CDH13: variants seen among roughly 807,000 people sequenced by gnomAD.
CDH13 encodes cadherin 13.
In CDH13, 24 loss-of-function variants were observed where a neutral mutation model predicts 63.8. That is an observed-to-expected ratio of 0.38 (90% CI 0.27 to 0.53). The LOEUF (loss-of-function observed/expected upper bound fraction) is 0.53, where lower values mean the gene tolerates loss of function less well. Ranked by LOEUF, CDH13 falls within the 20% of genes least tolerant of loss-of-function variation. CDH13 has a pLI of 0.85. For synonymous variants in CDH13, 503 were observed against 355.3 expected (o/e 1.42, Z -4.67); for missense variants, 1,049 against 903.1 (o/e 1.16, Z -2.07).
intron 1 of CDH13, among the ~76,000 whole-genome samples, chr16:82,684,621 A>G (rs1914878730): frequency 6.6e-6 from 1 of 151,942 alleles, no homozygotes; most frequent in South Asian, 2.1e-4. Context: ...ATTTCTGAAA[A>G]CTATTGATAC....
At chr16:83,513,788 A>G (rs913243877) in intron 7 of CDH13, among the ~76,000 whole-genome samples, 4 of 152,188 alleles carry the variant, frequency 2.6e-5, no homozygotes, top group African/African-American at 9.7e-5. Context: ...TTGGGTGGGG[A>G]CACGGCCAAA....
At chr16:83,718,210 A>G (rs191929061) in intron 10 of CDH13, among the ~76,000 whole-genome samples, 11 of 152,300 alleles carry the variant, frequency 7.2e-5, no homozygotes, top group Admixed American at 6.5e-4. Context: ...AGCCACCACT[A>G]TGCGTACAGG....
chr16:83,606,201 G>A (rs1013032422), intron 8 of CDH13, among the ~76,000 whole-genome samples: 3 of 152,216 alleles, frequency 2.0e-5, no homozygotes, highest in Admixed American at 6.5e-5. Flanking sequence ...TCTCTAAGGA[G>A]ATGTTGTCCT....
rs534836476 is a variant in CDH13, at chr16:82,658,711, G to C, written c.45+31574G>C. 2.0e-5 allele frequency among the ~76,000 whole-genome samples: 3 copies of C among 152,334 alleles called. No homozygotes were observed. In the South Asian group the frequency reaches 6.2e-4, roughly 32 times the overall value. On this transcript the variant is annotated intron_variant, in intron 1 of 13. Coordinates refer to ENST00000567109, the MANE Select transcript of CDH13 (RefSeq NM_001257.5). ...GCACCCCACTCAGCACATGGTGGCTGCCATGATGGTTTGCCGTGACCTCTC... is the reference window on the plus strand; with the variant it reads ...GCACCCCACTCAGCACATGGTGGCTCCCATGATGGTTTGCCGTGACCTCTC...
At chr16:82,795,944 C>CTTT (rs74501986) in intron 1 of CDH13, among the ~76,000 whole-genome samples, 2 of 136,204 alleles carry the variant, frequency 1.5e-5, no homozygotes, top group Non-Finnish European at 3.1e-5. Context: ...ACCCTTCATT[C>CTTT]TTTTTTTTTT....
chr16:82,774,387 C>G (rs1008206753), intron 1 of CDH13, among the ~76,000 whole-genome samples: 2 of 151,182 alleles, frequency 1.3e-5, no homozygotes, highest in African/African-American at 4.9e-5. Context: ...GATACTTACA[C>G]TAGCTATCTC....
chr16:83,078,881 G>A (rs938360521), intron 3 of CDH13, among the ~76,000 whole-genome samples: 5 of 152,000 alleles, frequency 3.3e-5, no homozygotes, highest in Admixed American at 6.6e-5. Context: ...TGCAACCTCC[G>A]CCTCCCAGGT....
At chr16:82,900,237 A>G (rs2041416970) in intron 2 of CDH13, among the ~76,000 whole-genome samples, 1 of 152,242 alleles carries the variant, frequency 6.6e-6, no homozygotes, top group South Asian at 2.1e-4. Context: ...GCCTGTCCCA[A>G]GTATAGCTGA....
chr16:83,302,742 A>G (rs1264950533), intron 5 of CDH13, among the ~76,000 whole-genome samples: 1 of 152,184 alleles, frequency 6.6e-6, no homozygotes, highest in African/African-American at 2.4e-5. Flanking sequence ...AAAGTGGGAG[A>G]CGCCAAGGAG....
At chr16:83,453,743 TTATCCACCA>T (rs1309672613) in intron 6 of CDH13, among the ~76,000 whole-genome samples, 19 of 142,170 alleles carry the variant, frequency 1.3e-4, no homozygotes, top group African/African-American at 4.0e-4. Flanking sequence ...AGGAAACTCT[TTATCCACCA>T]TGTATCTCCA....
chr16:82,896,318 G>A lies in CDH13; in HGVS notation c.157+37845G>A, dbSNP rs549013643. On this transcript the variant is annotated intron_variant, in intron 2 of 13. Coordinates refer to ENST00000567109, the MANE Select transcript of CDH13 (RefSeq NM_001257.5). ...TTTTTTTTTTTTTTTTTGAAACAAGGTCTTCCTCTGTCTCCCAGGCTGGAG... is the reference window on the plus strand; with the variant it reads ...TTTTTTTTTTTTTTTTTGAAACAAGATCTTCCTCTGTCTCCCAGGCTGGAG... Among the ~76,000 whole-genome samples the A allele has an allele frequency of 5.4e-3, 429 of 79,362 alleles. 4 individuals carry two copies. Among genetic ancestry groups the A allele is most frequent in the Non-Finnish European group, 7.2e-3 (302 of 41,690 alleles). 52.1% of individuals were successfully genotyped at this position (79,362 alleles called of 152,430 possible).
At chr16:83,411,407 G>C (rs534755524) in intron 6 of CDH13, among the ~76,000 whole-genome samples, 3 of 152,212 alleles carry the variant, frequency 2.0e-5, no homozygotes, top group Admixed American at 1.3e-4. Flanking sequence ...TTTATTGTTG[G>C]CTTCTTCATT....
chr16:83,184,057 T>C (rs536625953), intron 4 of CDH13, among the ~76,000 whole-genome samples: 8 of 148,614 alleles, frequency 5.4e-5, no homozygotes, highest in Non-Finnish European at 1.2e-4. Context: ...GATGTTGCCA[T>C]TGGTCAGCCA....
chr16:82,921,838 A>C lies in CDH13; in HGVS notation c.157+63365A>C, dbSNP rs140765798. On this transcript the variant is annotated intron_variant, in intron 2 of 13. Coordinates refer to ENST00000567109, the MANE Select transcript of CDH13 (RefSeq NM_001257.5). ...AAAATACTGGTATTATTTCCTCTTT[A>C]AATGCTTGATAAAACTTACCTGTAA... Among the ~76,000 whole-genome samples, 45 of 152,204 alleles carry C rather than the reference A, an allele frequency of 3.0e-4. 1 individual carries two copies. Among genetic ancestry groups the C allele is most frequent in the African/African-American group, 1.0e-3 (43 of 41,526 alleles).
In CDH13 at chr16:83,298,861, A is replaced by G. The variant is rs558643195; in HGVS notation, c.637-46001A>G. 3.3e-5 allele frequency among the ~76,000 whole-genome samples: 5 copies of G among 152,354 alleles called. No individual in the cohort carries two copies. In the East Asian group the frequency reaches 7.7e-4, roughly 24 times the overall value. Reference sequence around the variant, plus strand: ...TCTTCACAATGTGATGTCTTTTCCAATAACAGCATTAATAGAGAAGTGTTA... The same window carrying G: ...TCTTCACAATGTGATGTCTTTTCCAGTAACAGCATTAATAGAGAAGTGTTA... On this transcript the variant is annotated intron_variant, in intron 5 of 13. Transcript: ENST00000567109.
chr16:83,304,544 G>T (rs2089829239), intron 5 of CDH13, among the ~76,000 whole-genome samples: 1 of 152,128 alleles, frequency 6.6e-6, no homozygotes, highest in Admixed American at 6.5e-5. Flanking sequence ...AGTTAATACA[G>T]AATGACTATC....
chr16:83,217,203 G>A, intron 4 of CDH13, 142 bp from the exon 5 acceptor site: 2 of 723,474 alleles, frequency 2.8e-6, no homozygotes, highest in South Asian at 1.8e-5. Context: ...TTCTGGTGCT[G>A]TTACTTTAGT....
intron 11 of CDH13, among the ~76,000 whole-genome samples, chr16:83,766,953 C>T (rs945903946): frequency 6.6e-6 from 1 of 152,170 alleles, no homozygotes; most frequent in African/African-American, 2.4e-5. Flanking sequence ...TCCTTGTCTT[C>T]TGCCATGATT....
At chr16:83,530,285 C>G (rs2075055164) in intron 7 of CDH13, among the ~76,000 whole-genome samples, 1 of 152,198 alleles carries the variant, frequency 6.6e-6, no homozygotes, top group Non-Finnish European at 1.5e-5. Context: ...AAGTCAGTCT[C>G]TGTAGGTCTC....
Sources: allele counts gnomAD v4.1 joint callset (sites outside exome capture counted in the v4.1 genomes callset), GRCh38; gene constraint gnomAD v4.1.1; transcripts MANE v1.5; gene names NCBI Gene and HGNC (gene_info 2026-07-23, HGNC 2026-07-21).